The following NRXN1 variants were observed in gnomAD, a reference collection of about 807,000 sequenced individuals.
NRXN1 encodes neurexin-1.
In NRXN1, 39 loss-of-function variants were observed where a neutral mutation model predicts 150.9. That is an observed-to-expected ratio of 0.26 (90% CI 0.20 to 0.34). NRXN1 has a LOEUF of 0.34. NRXN1 is among the 10% of genes least tolerant of loss of function. The probability of loss-of-function intolerance (pLI) is 1.00; values close to 1 mark genes in which losing one functional copy is unlikely to be tolerated. For missense variants in NRXN1, 1,815 were observed against 1,949.9 expected (o/e 0.93, Z 1.30); for synonymous variants, 924 against 757.0 (o/e 1.22, Z -3.62).
At chr2:49,962,696 CAT>C (rs1466843610) in intron 21 of NRXN1, among the ~76,000 whole-genome samples, 3 of 152,062 alleles carry the variant, frequency 2.0e-5, no homozygotes, top group Non-Finnish European at 4.4e-5. Flanking sequence ...AGAAGCTACA[CAT>C]GTGATAAAAC....
chr2:50,329,070 T>C (rs2076575009), intron 17 of NRXN1, among the ~76,000 whole-genome samples: 1 of 152,044 alleles, frequency 6.6e-6, no homozygotes, highest in Non-Finnish European at 1.5e-5. Context: ...ATAGATTGAT[T>C]ACAGGAAAAT....
intron 5 of NRXN1, among the ~76,000 whole-genome samples, chr2:50,773,014 T>C (rs768890889): frequency 7.9e-5 from 12 of 152,114 alleles, no homozygotes; most frequent in Non-Finnish European, 1.3e-4. Context: ...CCACTGTGCT[T>C]GGTTCTTGCT....
intron 5 of NRXN1, among the ~76,000 whole-genome samples, chr2:50,821,859 G>A (rs1407614717): frequency 6.6e-6 from 1 of 152,062 alleles, no homozygotes. Flanking sequence ...AGCATCACTG[G>A]GCCAGGACAA....
intron 12 of NRXN1, among the ~76,000 whole-genome samples, chr2:50,511,630 C>T (rs1387805407): frequency 1.3e-5 from 2 of 152,158 alleles, no homozygotes; most frequent in African/African-American, 4.8e-5. Flanking sequence ...ATTGAGTGTT[C>T]TTCCACAACC....
At chr2:50,091,217 T>C in intron 19 of NRXN1, 106 bp downstream of exon 19, 1 of 1,275,098 alleles carries the variant, frequency 7.8e-7, no homozygotes, top group South Asian at 1.2e-5. Context: ...AAATAGTTGA[T>C]GGTTTCTCAG....
At chr2:50,088,498 T>C (rs1699108829) in intron 19 of NRXN1, among the ~76,000 whole-genome samples, 1 of 152,202 alleles carries the variant, frequency 6.6e-6, no homozygotes, top group Non-Finnish European at 1.5e-5. Context: ...TTCAGAATAA[T>C]TGCAACTTTG....
intron 17 of NRXN1, among the ~76,000 whole-genome samples, chr2:50,361,083 G>T (rs1051859595): frequency 6.6e-6 from 1 of 152,086 alleles, no homozygotes; most frequent in African/African-American, 2.4e-5. Flanking sequence ...AAGACACAGC[G>T]TACCAGCATC....
In NRXN1 at chr2:50,974,700, C is replaced by T. The variant is rs55725919; in HGVS notation, c.773-48745G>A. 6.7e-3 allele frequency among the ~76,000 whole-genome samples: 1,019 copies of T among 152,016 alleles called. 19 individuals carry two copies. Among genetic ancestry groups the T allele is most frequent in the African/African-American group, 0.023 (957 of 41,488 alleles). On this transcript the variant is annotated intron_variant, in intron 2 of 22. Coordinates refer to ENST00000401669, the MANE Select transcript of NRXN1 (RefSeq NM_001330078.2). The stretch of plus-strand genomic sequence containing the variant: ...ATCTGTTTTTTTTCCCATCTAAAAT[C>T]TAATCTTCATACCAATATGAAATAA...
intron 21 of NRXN1, chr2:49,966,700 G>A (rs1436225797): frequency 2.0e-5 from 3 of 151,998 alleles, no homozygotes; most frequent in Admixed American, 2.0e-4. Flanking sequence ...AAAAGAAAAT[G>A]CTCTAAAATT....
chr2:50,221,278 T>C (rs919798268), intron 18 of NRXN1, among the ~76,000 whole-genome samples: 14 of 151,938 alleles, frequency 9.2e-5, no homozygotes, highest in African/African-American at 2.7e-4. Flanking sequence ...TTTGGGGATA[T>C]AGAAATAAAA....
At chr2:50,548,084 G>A (rs1475741634) in intron 9 of NRXN1, 3 of 152,060 alleles carry the variant, frequency 2.0e-5, no homozygotes, top group African/African-American at 7.2e-5. Flanking sequence ...AAAGACCAAA[G>A]AACCAAAGGG....
chr2:50,849,196 GTC>G (rs1451646849), intron 5 of NRXN1, among the ~76,000 whole-genome samples: 2 of 152,162 alleles, frequency 1.3e-5, no homozygotes, highest in African/African-American at 4.8e-5. Flanking sequence ...GGGCAAGAAG[GTC>G]TTAACCTTCC....
rs199834999 is a variant in NRXN1 at position 50,552,866 on chromosome 2, G to A, written c.1480C>T (p.Pro494Ser). ...FETPESFISL[P>S]KWNAKKTGSI... ...CCAGTTTTCTTTGCATTCCATTTAG[G>A]CAAAGAGATGAAAGACTCTGGGGTT... The change falls in exon 9 of 23, where the codon CCT (proline) becomes TCT (serine). Residue 494 changes from proline (P) to serine (S), a missense_variant. By Grantham distance (74) the Pro-to-Ser change is moderately conservative. Coordinates refer to ENST00000401669, the MANE Select transcript of NRXN1 (RefSeq NM_001330078.2). 1.1e-5 allele frequency: 17 copies of A among 1,613,770 alleles called. No individual in the cohort carries two copies. Among genetic ancestry groups the A allele is most frequent in the Non-Finnish European group, 1.4e-5 (17 of 1,179,848 alleles).
rs183470571 is a variant in NRXN1 at position 50,862,790 on chromosome 2, G to T, written c.832+59079C>A. 2.0e-5 allele frequency among the ~76,000 whole-genome samples: 3 copies of T among 152,126 alleles called. No individual in the cohort carries two copies. The South Asian group carries it at 6.2e-4, about 32-fold the overall frequency. On this transcript the variant is annotated intron_variant, in intron 5 of 22. Coordinates refer to ENST00000401669, the MANE Select transcript of NRXN1 (RefSeq NM_001330078.2). ...CCTTTTCACAGATGAGAAAACCAAG[G>T]ATTAGAAATGGAAATGTGCCTCATA...
At chr2:50,737,834 A>G (rs534628401) in intron 5 of NRXN1, among the ~76,000 whole-genome samples, 9 of 152,278 alleles carry the variant, frequency 5.9e-5, no homozygotes, top group Admixed American at 1.3e-4. Flanking sequence ...CAGTAGCCCA[A>G]AAACATTACA....
intron 2 of NRXN1, among the ~76,000 whole-genome samples, chr2:50,941,798 A>C (rs1175139638): frequency 6.6e-6 from 1 of 152,222 alleles, no homozygotes; most frequent in African/African-American, 2.4e-5. Context: ...TTGCAACTGG[A>C]CCATGTGGTA....
chr2:50,926,934 T>C lies in NRXN1; in HGVS notation c.773-979A>G, dbSNP rs558445132. Among the ~76,000 whole-genome samples, 4 of 152,000 alleles carry C rather than the reference T, an allele frequency of 2.6e-5. 1 individual carries two copies. Among genetic ancestry groups the C allele is most frequent in the African/African-American group, 9.6e-5 (4 of 41,520 alleles). ...GTATTATTAGTACCTAGTGGAAAAT[T>C]CAAGTTCTATTTGAGACTCGGGGCC... On this transcript the variant is annotated intron_variant, in intron 2 of 22. Coordinates refer to ENST00000401669, the MANE Select transcript of NRXN1 (RefSeq NM_001330078.2).
chr2:50,618,743 G>A (rs1172583566), intron 8 of NRXN1, among the ~76,000 whole-genome samples: 3 of 150,320 alleles, frequency 2.0e-5, no homozygotes, highest in African/African-American at 7.3e-5. Flanking sequence ...CAAAATAACA[G>A]CTCTGGAAAT....
intron 16 of NRXN1, among the ~76,000 whole-genome samples, chr2:50,470,338 A>T (rs1174976520): frequency 6.6e-6 from 1 of 151,752 alleles, no homozygotes; most frequent in Admixed American, 6.6e-5. Context: ...GGAAAAAAAC[A>T]TAGTTTCCTT....
Sources: gnomAD v4.1 joint callset for allele counts (sites outside exome capture counted in the v4.1 genomes callset) on GRCh38, gnomAD v4.1.1 for gene constraint, MANE v1.5 for transcripts, NCBI Gene and HGNC (gene_info 2026-07-23, HGNC 2026-07-21) for gene names.